WFDC2: variants seen among roughly 807,000 people sequenced by gnomAD.
WFDC2 encodes WAP four-disulfide core domain 2.
WFDC2 carries 8 observed loss-of-function variants against 12.5 expected under a neutral mutation model. That is an observed-to-expected ratio of 0.64 (90% confidence interval 0.37 to 1.15). The LOEUF is 1.15. Among genes scored for constraint, WFDC2 ranks in the 50% most tolerant of loss-of-function variants. The pLI is 0.01. For synonymous variants in WFDC2, 74 were observed against 67.2 expected (o/e 1.10, Z -0.49); for missense variants, 166 against 159.9 (o/e 1.04, Z -0.21).
Position 45,480,017 on chromosome 20 carries a change from ACAGC to A in WFDC2, c.303_306del (p.Gln102ValfsTer5). 1 of 1,614,194 alleles carries A rather than the reference ACAGC, an allele frequency of 6.2e-7. No homozygotes were observed. The highest frequency in any genetic ancestry group is 8.5e-7 in the Non-Finnish European group (1 of 1,180,032). ...CTCTGTCGGGACCAGTGCCAGGTGG[ACAGC>A]CAGTGTCCTGGCCAGATGAAATGCT... is the stretch of plus-strand genomic sequence containing the variant. On this transcript the variant is annotated frameshift_variant, in exon 3 of 4. Transcript: ENST00000372676. LOFTEE classifies it high-confidence loss of function.
intron 2 of WFDC2, chr20:45,471,454 C>CT (rs1386266416): frequency 5.2e-6 from 1 of 191,714 alleles, no homozygotes; most frequent in Non-Finnish European, 1.1e-5. Flanking sequence ...AATACAGCCC[C>CT]TGTGACTTTT....
At position 45,470,546 on chromosome 20, in the gene WFDC2, G is replaced by T. The variant is rs374526336; in HGVS notation, c.223+14G>T. The T allele has an allele frequency of 7.6e-6, 12 of 1,582,022 alleles. No individual in the cohort carries two copies. Among genetic ancestry groups the T allele is most frequent in the East Asian group, 2.3e-5 (1 of 44,042 alleles). The stretch of plus-strand genomic sequence containing the variant: ...CTCTGCCCAATGGTAACCCCACGGC[G>T]GCCGAGCGGGAACGGGGCGGGGCCG... On this transcript the variant is annotated intron_variant, in intron 2 of 3. Coordinates refer to ENST00000372676, the MANE Select transcript of WFDC2 (RefSeq NM_006103.4). The surrounding 1 kb of genome is among the most constrained non-coding windows in gnomAD (Gnocchi z 5.4).
intron 2 of WFDC2, among the ~76,000 whole-genome samples, chr20:45,471,644 G>A (rs939795270): frequency 1.3e-5 from 2 of 152,182 alleles, no homozygotes; most frequent in Non-Finnish European, 2.9e-5. Flanking sequence ...GAAGGAGAGA[G>A]GAAGATTTGG....
rs905507259 is a variant in WFDC2, at chr20:45,478,664, C to T, written c.224-1278C>T. On this transcript the variant is annotated intron_variant, in intron 2 of 3. Coordinates refer to ENST00000372676, the MANE Select transcript of WFDC2 (RefSeq NM_006103.4). ...TTTTTGAGATGGAGTCTCGCTCTGTCGCCCAGGCTGGAGTGCAGTGGCATG... is the reference window on the plus strand; with the variant it reads ...TTTTTGAGATGGAGTCTCGCTCTGTTGCCCAGGCTGGAGTGCAGTGGCATG... Among the ~76,000 whole-genome samples, 8 of 151,836 alleles carry T rather than the reference C, an allele frequency of 5.3e-5. 1 individual carries two copies. The highest frequency in any genetic ancestry group is 4.2e-4 in the South Asian group (2 of 4,806).
At chr20:45,479,709 C>T (rs771826458) in intron 2 of WFDC2, 3 of 1,614,040 alleles carry the variant, frequency 1.9e-6, no homozygotes, top group Non-Finnish European at 2.5e-6. Flanking sequence ...CACGAAGGCC[C>T]ACTTGGGACT....
At position 45,470,831 on chromosome 20, in the gene WFDC2, G is replaced by T. The variant is rs1357955021; in HGVS notation, c.223+299G>T. Among the ~76,000 whole-genome samples the T allele has an allele frequency of 6.6e-6, 1 of 152,140 alleles. No homozygotes were observed. ...ATTGTTCCCCGCGGCCTGGGGACCC[G>T]GGGCCGCAGTTTCCTTCTCGAACCG... is the stretch of plus-strand genomic sequence containing the variant. On this transcript the variant is annotated intron_variant, in intron 2 of 3. Transcript: ENST00000372676. The surrounding 1 kb of genome is among the most constrained non-coding windows in gnomAD (Gnocchi z 5.4).
chr20:45,472,154 A>G (rs1303192326), intron 2 of WFDC2, among the ~76,000 whole-genome samples: 4 of 152,146 alleles, frequency 2.6e-5, no homozygotes, highest in Non-Finnish European at 5.9e-5. Context: ...GTTCTGGGGT[A>G]CACGTGCAGA....
At chr20:45,469,939 C>A (rs1431604654) in intron 1 of WFDC2, 79 bp downstream of exon 1, 3 of 1,516,508 alleles carry the variant, frequency 2.0e-6, no homozygotes, top group Non-Finnish European at 2.7e-6. Context: ...GGAGGCGTAG[C>A]CTCTGGAGGC....
Position 45,480,380 on chromosome 20 carries a change from CGGA to C in WFDC2, c.*1+287_*1+289del, listed in dbSNP as rs1316820256. Among the ~76,000 whole-genome samples the C allele has an allele frequency of 9.3e-5, 14 of 150,190 alleles. 1 individual carries two copies. The highest frequency in any genetic ancestry group is 3.4e-4 in the African/African-American group (14 of 40,740). On this transcript the variant is annotated intron_variant, in intron 3 of 3. Transcript: ENST00000372676. ...CAGCACTTTGGGAGGCTGAGGTGTG[CGGA>C]TCACCTGAGGTCGGGAGTTCAAGAC...
At chr20:45,472,625 T>C (rs1991186516) in intron 2 of WFDC2, among the ~76,000 whole-genome samples, 1 of 151,750 alleles carries the variant, frequency 6.6e-6, no homozygotes, top group African/African-American at 2.4e-5. Context: ...AAGTCTTTGC[T>C]ATTGTGAACA....
rs1436492192 is a variant in WFDC2, at chr20:45,470,851, G to C, written c.223+319G>C. ...GACCCGGGGCCGCAGTTTCCTTCTCGAACCGGCCGAAGCCTGCCCTGCGGG... is the reference window on the plus strand; with the variant it reads ...GACCCGGGGCCGCAGTTTCCTTCTCCAACCGGCCGAAGCCTGCCCTGCGGG... On this transcript the variant is annotated intron_variant, in intron 2 of 3. Transcript: ENST00000372676. The surrounding 1 kb of genome is among the most constrained non-coding windows in gnomAD (Gnocchi z 5.4). 6.6e-6 allele frequency among the ~76,000 whole-genome samples: 1 copy of C among 152,110 alleles called. No individual in the cohort carries two copies. The highest frequency in any genetic ancestry group is 1.5e-5 in the Non-Finnish European group (1 of 67,994).
intron 2 of WFDC2, chr20:45,479,739 TC>T: frequency 6.2e-7 from 1 of 1,614,016 alleles, no homozygotes; most frequent in Non-Finnish European, 8.5e-7. Flanking sequence ...GTCCTGTGAT[TC>T]CATTTGGGAG....
intron 2 of WFDC2, among the ~76,000 whole-genome samples, chr20:45,477,003 G>A (rs749000109): frequency 3.3e-5 from 5 of 151,648 alleles, no homozygotes; most frequent in African/African-American, 4.8e-5. Flanking sequence ...TGACGTTCTC[G>A]TGCTGTGTTT....
Position 45,470,450 on chromosome 20 carries a change from A to G in WFDC2, c.141A>G (p.Gln47=), listed in dbSNP as rs754923812. ...TCCAGGCTGACCAGAACTGCACGCA[A>G]GAGTGCGTCTCGGACAGCGAATGCG... ...PELQADQNCT[Q]ECVSDSECAD... is the part of the protein sequence containing the mutation. The change falls in exon 2 of 4, where the codon CAA becomes CAG. Residue 47 remains glutamine (Q), a synonymous_variant. Coordinates refer to ENST00000372676, the MANE Select transcript of WFDC2 (RefSeq NM_006103.4). The surrounding 1 kb of genome is among the most constrained non-coding windows in gnomAD (Gnocchi z 5.4). 9 of 1,595,778 alleles carry G rather than the reference A, an allele frequency of 5.6e-6. No homozygotes were observed. Among genetic ancestry groups the G allele is most frequent in the East Asian group, 2.3e-5 (1 of 44,294 alleles).
chr20:45,469,989 C>A, intron 1 of WFDC2, 129 bp downstream of exon 1: 1 of 1,188,486 alleles, frequency 8.4e-7, no homozygotes, highest in South Asian at 1.5e-5. Flanking sequence ...TGGCGGGGAC[C>A]CTTGGAGCCT....
Position 45,469,878 on chromosome 20 carries a change from AG to A in WFDC2, c.79+20del, listed in dbSNP as rs1991143212. 6.3e-6 allele frequency: 10 copies of A among 1,592,424 alleles called. No individual in the cohort carries two copies. The highest frequency in any genetic ancestry group is 6.0e-6 in the Non-Finnish European group (7 of 1,170,244). On this transcript the variant is annotated intron_variant, in intron 1 of 3. Coordinates refer to ENST00000372676, the MANE Select transcript of WFDC2 (RefSeq NM_006103.4). Reference sequence around the variant, plus strand: ...AGTCTCAGGTGAGTGGGGCGGGGAGAGGCCCGGCGCCTAGAGGGGCCGAGCC... The same window carrying A: ...AGTCTCAGGTGAGTGGGGCGGGGAGAGCCCGGCGCCTAGAGGGGCCGAGCC...
intron 2 of WFDC2, among the ~76,000 whole-genome samples, chr20:45,476,174 A>T (rs1319395189): frequency 1.3e-5 from 2 of 152,174 alleles, no homozygotes; most frequent in African/African-American, 2.4e-5. Context: ...GCCTGTTTAC[A>T]TTTAAGGTTA....
At chr20:45,477,909 CTG>C (rs1312006884) in intron 2 of WFDC2, among the ~76,000 whole-genome samples, 4 of 152,224 alleles carry the variant, frequency 2.6e-5, no homozygotes, top group Admixed American at 2.0e-4. Flanking sequence ...CTTTGCCGAG[CTG>C]TGTTGGGCTC....
intron 2 of WFDC2, among the ~76,000 whole-genome samples, chr20:45,477,741 A>G (rs1991250837): frequency 6.7e-6 from 1 of 150,308 alleles, no homozygotes; most frequent in African/African-American, 2.5e-5. Flanking sequence ...ACCGGCAGGC[A>G]GGCTGAAGCC....
Sources: allele counts gnomAD v4.1 joint callset (sites outside exome capture counted in the v4.1 genomes callset), GRCh38; gene constraint gnomAD v4.1.1; non-coding constraint Gnocchi (gnomAD v3.1); transcripts MANE v1.5; gene names NCBI Gene and HGNC (gene_info 2026-07-23, HGNC 2026-07-21).